USP34: variants seen among roughly 807,000 people sequenced by gnomAD.
USP34 encodes the protein ubiquitin specific peptidase 34.
In USP34, 70 loss-of-function variants were observed where a neutral mutation model predicts 460.3. The observed-to-expected ratio is 0.15, with a 90% CI of 0.13 to 0.19. The LOEUF is 0.19. Among genes scored for constraint, USP34 ranks in the 10% least tolerant of loss-of-function variants. The pLI, the probability that USP34 is intolerant of heterozygous loss-of-function variation, is 1.00. For missense variants in USP34, 3,985 were observed against 4,236.2 expected (o/e 0.94, Z 1.65); for synonymous variants, 1,647 against 1,405.3 (o/e 1.17, Z -3.85).
At chr2:61,454,870 CTTTTTTTTT>C (rs935894179) in intron 1 of USP34, among the ~76,000 whole-genome samples, 1 of 36,294 alleles carries the variant, frequency 2.8e-5, no homozygotes, top group Non-Finnish European at 7.6e-5. Context: ...TTTTTTTTTT[CTTTTTTTTT>C]TTTTTTGGTT....
chr2:61,242,716 C>G (rs537079022), intron 51 of USP34, among the ~76,000 whole-genome samples: 71 of 152,226 alleles, frequency 4.7e-4, no homozygotes, highest in African/African-American at 1.7e-3. Context: ...GAGGATTCTA[C>G]TGGTAATGCT....
At chr2:61,329,743 T>C (rs780042557) in intron 20 of USP34, among the ~76,000 whole-genome samples, 3 of 152,230 alleles carry the variant, frequency 2.0e-5, no homozygotes, top group African/African-American at 4.8e-5. Context: ...CTACAATTTG[T>C]AGATAACCTA....
chr2:61,253,582 C>A (rs1213883521), intron 48 of USP34, among the ~76,000 whole-genome samples: 1 of 152,106 alleles, frequency 6.6e-6, no homozygotes, highest in East Asian at 1.9e-4. Flanking sequence ...AAATACTGAC[C>A]TGGAAAACCT....
At chr2:61,334,419 A>C (rs145915830) in intron 18 of USP34, among the ~76,000 whole-genome samples, 8 of 152,258 alleles carry the variant, frequency 5.3e-5, no homozygotes, top group Non-Finnish European at 8.8e-5. Flanking sequence ...TAAAACTTCA[A>C]GTAGATCTGA....
intron 10 of USP34, among the ~76,000 whole-genome samples, chr2:61,367,226 C>T (rs1190018798): frequency 6.6e-6 from 1 of 152,182 alleles, no homozygotes; most frequent in Non-Finnish European, 1.5e-5. Flanking sequence ...AACTCAAGTA[C>T]AGTTATGACT....
Position 61,245,219 on chromosome 2 carries a change from T to G in USP34, c.6618A>C (p.Gly2206=). The change falls in exon 51 of 80, where the codon GGA becomes GGC. Residue 2206 remains glycine (G), a synonymous_variant. Coordinates refer to ENST00000398571, the MANE Select transcript of USP34 (RefSeq NM_014709.4). The part of the protein sequence containing the change: ...SAQLASECFG[G]EMTTKTYDSV... Reference sequence around the variant, plus strand: ...TCTGAATAAAACTTACCGTCATCTCTCCACCAAAACATTCAGATGCAAGTT... The same window carrying G: ...TCTGAATAAAACTTACCGTCATCTCGCCACCAAAACATTCAGATGCAAGTT... 6.2e-7 allele frequency: 1 copy of G among 1,610,244 alleles called. No homozygotes were observed. The highest frequency in any genetic ancestry group is 8.5e-7 in the Non-Finnish European group (1 of 1,177,938).
chr2:61,350,256 T>C lies in USP34; in HGVS notation c.1507+4A>G. ...TTTACTTCAAAATACATGACATTAC[T>C]AACCTTTCTTATTTCCAATGGGAAT... On this transcript the variant is annotated splice_donor_region_variant and intron_variant, in intron 12 of 79. Coordinates refer to ENST00000398571, the MANE Select transcript of USP34 (RefSeq NM_014709.4). The C allele has an allele frequency of 6.3e-7, 1 of 1,597,372 alleles. No individual in the cohort carries two copies. The highest frequency in any genetic ancestry group is 1.1e-5 in the South Asian group (1 of 87,574).
chr2:61,349,089 T>G (rs1467727187), intron 13 of USP34, among the ~76,000 whole-genome samples, 161 bp downstream of exon 13: 2 of 152,180 alleles, frequency 1.3e-5, no homozygotes, highest in Non-Finnish European at 2.9e-5. Flanking sequence ...TGTTTAAGAT[T>G]TTAAGAAAAA....
intron 39 of USP34, among the ~76,000 whole-genome samples, chr2:61,278,774 A>G (rs1373622176): frequency 2.2e-5 from 3 of 135,734 alleles, no homozygotes; most frequent in African/African-American, 7.9e-5. Context: ...CCTAAAACTT[A>G]AAGTATAATA....
Position 61,325,408 on chromosome 2 carries a change from C to T in USP34, c.2980G>A (p.Val994Ile), listed in dbSNP as rs759233735. ...VQVRLQFLTC[V>I]FSTLGSPDHF... ...TCAGGTGATCCCAGAGTTGAAAATA[C>T]ACAAGTCAAGAATTGAAGACGAACT... The change falls in exon 21 of 80, where the codon GTA (valine) becomes ATA (isoleucine). Residue 994 changes from valine (V) to isoleucine (I), a missense_variant. This residue lies in a region of USP34 where 1,114 missense variants were observed against 1,122.5 expected (regional missense o/e 0.99). Transcript: ENST00000398571. 1.3e-6 allele frequency: 2 copies of T among 1,555,404 alleles called. No individual in the cohort carries two copies. Among genetic ancestry groups the T allele is most frequent in the Non-Finnish European group, 8.6e-7 (1 of 1,160,460 alleles).
At chr2:61,260,918 G>A (rs1056214953) in intron 43 of USP34, among the ~76,000 whole-genome samples, 4 of 152,026 alleles carry the variant, frequency 2.6e-5, no homozygotes, top group Non-Finnish European at 4.4e-5. Context: ...TACTTAATGC[G>A]CAATTTTTAA....
chr2:61,434,183 T>G (rs1188502318), intron 1 of USP34, among the ~76,000 whole-genome samples: 1 of 152,156 alleles, frequency 6.6e-6, no homozygotes, highest in Non-Finnish European at 1.5e-5. Context: ...CTCTGCCCCA[T>G]GTAGACATGC....
rs943319184 is a variant in USP34, at chr2:61,278,056, A to G, written c.5433+109T>C. The G allele has an allele frequency of 6.9e-6, 9 of 1,311,846 alleles. No individual in the cohort carries two copies. The African/African-American group carries it at 1.3e-4, about 20-fold the overall frequency. The allele number at this position is 1,311,846 out of a possible 1,614,324, so 81.3% of individuals were successfully genotyped here. ...AACCCTTTTCTTTTGTAAACTGCCC[A>G]GTCTCGGGTATGCCTTTATGAGCAG... On this transcript the variant is annotated intron_variant, in intron 41 of 79. Transcript: ENST00000398571.
At chr2:61,448,625 TAAAG>T (rs1314136732) in intron 1 of USP34, among the ~76,000 whole-genome samples, 11 of 152,046 alleles carry the variant, frequency 7.2e-5, no homozygotes, top group African/African-American at 2.7e-4. Context: ...ATGGAAAGAA[TAAAG>T]AAACTGTTTC....
intron 39 of USP34, among the ~76,000 whole-genome samples, chr2:61,278,868 G>T (rs759598698): frequency 6.6e-6 from 1 of 151,560 alleles, no homozygotes; most frequent in Non-Finnish European, 1.5e-5. Context: ...ACAATTCACC[G>T]TTTGTTTTAA....
At chr2:61,408,940 G>C (rs1207567647) in intron 2 of USP34, among the ~76,000 whole-genome samples, 3 of 151,300 alleles carry the variant, frequency 2.0e-5, no homozygotes, top group Non-Finnish European at 1.5e-5. Flanking sequence ...CTTGAGTGTC[G>C]GGGGGTGCGC....
chr2:61,439,386 G>C (rs1191039484), intron 1 of USP34, among the ~76,000 whole-genome samples: 1 of 152,120 alleles, frequency 6.6e-6, no homozygotes, highest in African/African-American at 2.4e-5. Context: ...GCCTGGCCCT[G>C]GCTCCCTCCA....
At chr2:61,327,553 G>C (rs17541618) in intron 20 of USP34, among the ~76,000 whole-genome samples, 3 of 152,176 alleles carry the variant, frequency 2.0e-5, no homozygotes, top group Admixed American at 2.0e-4. Flanking sequence ...TTGTCTATGG[G>C]ACATCAATCA....
chr2:61,230,017 T>C (rs975380935), intron 58 of USP34, among the ~76,000 whole-genome samples: 3 of 151,654 alleles, frequency 2.0e-5, no homozygotes, highest in Admixed American at 2.0e-4. Context: ...GAGAAGGAAA[T>C]GTGAGGATTC....
Sources: gnomAD v4.1 joint callset for allele counts (sites outside exome capture counted in the v4.1 genomes callset) on GRCh38, gnomAD v4.1.1 for gene constraint, gnomAD v4.1.1 regional missense constraint, MANE v1.5 for transcripts, NCBI Gene and HGNC (gene_info 2026-07-23, HGNC 2026-07-21) for gene names.